The following EPHA6 variants were observed in gnomAD, a reference collection of about 807,000 sequenced individuals.
EPHA6 encodes EPH receptor A6, also known as ephrin type-A receptor 6.
In EPHA6, 50 loss-of-function variants were observed where a neutral mutation model predicts 112.0. The ratio of observed to expected loss-of-function variants is 0.45; its 90% CI spans 0.36 to 0.56. The LOEUF is 0.56. EPHA6 is among the 20% of genes least tolerant of loss of function. EPHA6 has a pLI of 0.00. For synonymous variants in EPHA6, 529 were observed against 490.7 expected, an observed-to-expected ratio of 1.08 and a Z score of -1.03; for missense variants, 1,280 against 1,417.4, an observed-to-expected ratio of 0.90 and a Z score of 1.56.
chr3:97,324,469 C>CTTTCT (rs1359717466), intron 5 of EPHA6, among the ~76,000 whole-genome samples: 2 of 115,434 alleles, frequency 1.7e-5, no homozygotes, highest in Non-Finnish European at 3.7e-5. Flanking sequence ...TTCTTTCTTT[C>CTTTCT]TTTTTCTTTC....
At chr3:96,855,510 G>A (rs553891525) in intron 1 of EPHA6, among the ~76,000 whole-genome samples, 2 of 152,194 alleles carry the variant, frequency 1.3e-5, no homozygotes, top group South Asian at 4.2e-4. Context: ...TCAGGAGGTG[G>A]TGCCCATTTA....
chr3:96,903,425 G>T (rs2038731998), intron 2 of EPHA6, among the ~76,000 whole-genome samples: 1 of 152,098 alleles, frequency 6.6e-6, no homozygotes, highest in South Asian at 2.1e-4. Flanking sequence ...CTTAAAATGT[G>T]TAATTTTTAT....
At chr3:96,819,486 C>T (rs553992346) in intron 1 of EPHA6, among the ~76,000 whole-genome samples, 16 of 152,190 alleles carry the variant, frequency 1.1e-4, no homozygotes, top group Middle Eastern at 3.4e-3. Context: ...TGACTGCATG[C>T]TCCATTTGTT....
At chr3:97,640,196 A>G (rs2107566328) in intron 14 of EPHA6, among the ~76,000 whole-genome samples, 1 of 152,320 alleles carries the variant, frequency 6.6e-6, no homozygotes, top group Non-Finnish European at 1.5e-5. Context: ...TCAAAATGTG[A>G]ACCAAATCTT....
At chr3:97,444,725 G>A (rs1577433575) in intron 6 of EPHA6, among the ~76,000 whole-genome samples, 1 of 152,214 alleles carries the variant, frequency 6.6e-6, no homozygotes, top group Non-Finnish European at 1.5e-5. Context: ...GAAAGATATA[G>A]CCATAGGGTC....
intron 3 of EPHA6, among the ~76,000 whole-genome samples, chr3:97,103,301 CTT>C (rs1330630717): frequency 6.6e-6 from 1 of 152,064 alleles, no homozygotes; most frequent in East Asian, 1.9e-4. Flanking sequence ...TTTAATCTAT[CTT>C]GAGTTGATTT....
chr3:97,161,569 A>G (rs1279805141), intron 3 of EPHA6, among the ~76,000 whole-genome samples: 4 of 152,172 alleles, frequency 2.6e-5, no homozygotes, highest in African/African-American at 7.2e-5. Context: ...AATGAGGAGT[A>G]TGTTGTCTTC....
intron 5 of EPHA6, among the ~76,000 whole-genome samples, chr3:97,346,915 TG>T (rs1178151691): frequency 6.6e-6 from 1 of 152,110 alleles, no homozygotes; most frequent in African/African-American, 2.4e-5. Context: ...CTTTATAAAA[TG>T]CCTGACACAT....
chr3:97,434,312 G>C (rs947377546), intron 6 of EPHA6, among the ~76,000 whole-genome samples: 1 of 152,024 alleles, frequency 6.6e-6, no homozygotes, highest in African/African-American at 2.4e-5. Context: ...GTAGCTTTGA[G>C]AATTTTCTTG....
chr3:97,200,661 T>C (rs990716991), intron 3 of EPHA6, among the ~76,000 whole-genome samples: 3 of 152,072 alleles, frequency 2.0e-5, no homozygotes, highest in Non-Finnish European at 4.4e-5. Flanking sequence ...AGTTTCTCAG[T>C]CCTCTCATTC....
intron 3 of EPHA6, among the ~76,000 whole-genome samples, chr3:97,017,963 A>G (rs963671568): frequency 4.7e-5 from 7 of 149,782 alleles, no homozygotes; most frequent in Non-Finnish European, 8.9e-5. Context: ...TCCTGTAGGC[A>G]TGCTTTACTG....
intron 3 of EPHA6, among the ~76,000 whole-genome samples, chr3:97,125,382 A>C (rs2048155861): frequency 6.6e-6 from 1 of 152,212 alleles, no homozygotes; most frequent in East Asian, 1.9e-4. Context: ...TTTTCCAGTT[A>C]TGCTAATAGG....
intron 6 of EPHA6, among the ~76,000 whole-genome samples, chr3:97,420,979 G>T (rs924886704): frequency 6.6e-6 from 1 of 152,042 alleles, no homozygotes; most frequent in Non-Finnish European, 1.5e-5. Flanking sequence ...CTTAATAGAT[G>T]CAGAAAAGGC....
chr3:96,981,685 G>A (rs1389407293), intron 2 of EPHA6, among the ~76,000 whole-genome samples: 2 of 151,442 alleles, frequency 1.3e-5, no homozygotes, highest in Admixed American at 6.6e-5. Context: ...TCTGGTCCTG[G>A]ACTTTTTTTT....
intron 13 of EPHA6, among the ~76,000 whole-genome samples, chr3:97,617,981 T>G (rs759104579): frequency 6.6e-6 from 1 of 152,074 alleles, no homozygotes; most frequent in Non-Finnish European, 1.5e-5. Context: ...CATATACATT[T>G]TTCTCGTCAC....
Position 96,840,708 on chromosome 3 carries a change from T to C in EPHA6, c.385+25700T>C, listed in dbSNP as rs116220965. Among the ~76,000 whole-genome samples, 1,312 of 152,168 alleles carry C rather than the reference T, an allele frequency of 8.6e-3. 21 individuals carry two copies. The highest frequency in any genetic ancestry group is 0.028 in the African/African-American group (1,161 of 41,538). ...TGCCAATTCAAACCAAAGAAAGTAC[T>C]GAGTCCTGATTACCGGCCGGTGTCT... On this transcript the variant is annotated intron_variant, in intron 1 of 17. Coordinates refer to ENST00000389672, the MANE Select transcript of EPHA6 (RefSeq NM_001080448.3).
chr3:97,373,702 A>C (rs1474774464), intron 5 of EPHA6, among the ~76,000 whole-genome samples: 1 of 152,130 alleles, frequency 6.6e-6, no homozygotes, highest in East Asian at 1.9e-4. Context: ...GATCATTTTT[A>C]AAGAAAATAT....
At chr3:97,370,250 C>T (rs1296386442) in intron 5 of EPHA6, among the ~76,000 whole-genome samples, 3 of 152,110 alleles carry the variant, frequency 2.0e-5, no homozygotes, top group Admixed American at 2.0e-4. Flanking sequence ...TGAAAATTAG[C>T]ACAAGAAGAA....
intron 14 of EPHA6, among the ~76,000 whole-genome samples, chr3:97,665,548 C>A (rs186557416): frequency 6.6e-6 from 1 of 152,150 alleles, no homozygotes; most frequent in Non-Finnish European, 1.5e-5. Context: ...AAAGATCCAG[C>A]CTGGTCACAA....
Sources: gnomAD v4.1 joint callset for allele counts (sites outside exome capture counted in the v4.1 genomes callset) on GRCh38, gnomAD v4.1.1 for gene constraint, MANE v1.5 for transcripts, NCBI Gene and HGNC (gene_info 2026-07-23, HGNC 2026-07-21) for gene names.